Variants in MTMR7 observed in about 807,000 individuals in gnomAD.
The protein encoded by MTMR7 is myotubularin related protein 7.
A neutral mutation model predicts 81.2 loss-of-function variants in MTMR7; 76 were observed. The ratio of observed to expected loss-of-function variants is 0.94; its 90% CI spans 0.78 to 1.13. The LOEUF (loss-of-function observed/expected upper bound fraction) is 1.13. Ranked by LOEUF, MTMR7 falls within the 50% of genes most tolerant of loss-of-function variation. The pLI is 0.00. For synonymous variants in MTMR7, 372 were observed against 289.8 expected (o/e 1.28, Z -2.88); for missense variants, 1,044 against 820.0 (o/e 1.27, Z -3.34).
In MTMR7 at chr8:17,350,887, G is replaced by C. The variant is rs535282708; in HGVS notation, c.469-1806C>G. ...TTTTAGGAAAGAAGATTACCAAAGA[G>C]TTTAACATGGCCTGTGGCACTGACA... On this transcript the variant is annotated intron_variant, in intron 4 of 13. Coordinates refer to ENST00000180173, the MANE Select transcript of MTMR7 (RefSeq NM_004686.5). Among the ~76,000 whole-genome samples the C allele has an allele frequency of 1.2e-4, 18 of 152,310 alleles. No homozygotes were observed. In the South Asian group the frequency reaches 2.3e-3, roughly 19 times the overall value.
chr8:17,411,734 A>G (rs888164704), intron 1 of MTMR7, among the ~76,000 whole-genome samples: 5 of 152,218 alleles, frequency 3.3e-5, no homozygotes, highest in African/African-American at 9.6e-5. Context: ...GAGTAAGAAC[A>G]CTGCTTGCAA....
Position 17,373,198 on chromosome 8 carries a change from C to T in MTMR7, c.67G>A (p.Ala23Thr). ...GTCAAATACAAAGTACCTAGAGCTGCTTTTTTAGGAGACACTCGATCTACC... is the reference window on the plus strand; with the variant it reads ...GTCAAATACAAAGTACCTAGAGCTGTTTTTTTAGGAGACACTCGATCTACC... Reference protein sequence around the residue: ...RLVDRVSPKKAALGTLYLTAT... With the variant: ...RLVDRVSPKKTALGTLYLTAT... The change falls in exon 2 of 14, where the codon GCA becomes ACA. Residue 23 changes from alanine (A) to threonine (T), a missense_variant. Transcript: ENST00000180173. 1.2e-6 allele frequency: 2 copies of T among 1,613,454 alleles called. No homozygotes were observed. Among genetic ancestry groups the T allele is most frequent in the South Asian group, 1.1e-5 (1 of 91,002 alleles).
Position 17,304,377 on chromosome 8 carries a change from A to G in MTMR7, c.1493+2T>C. 3 of 1,610,984 alleles carry G rather than the reference A, an allele frequency of 1.9e-6. No individual in the cohort carries two copies. The highest frequency in any genetic ancestry group is 2.5e-6 in the Non-Finnish European group (3 of 1,177,524). On this transcript the variant is annotated splice_donor_variant, in intron 12 of 13. Transcript: ENST00000180173. LOFTEE classifies it high-confidence loss of function. ...CTACAAAGTTACCAAGGATTTACAT[A>G]CTTGTACATGAAGTTACATGGTGTT...
At chr8:17,366,173 C>T (rs1441983748) in intron 3 of MTMR7, among the ~76,000 whole-genome samples, 1 of 152,182 alleles carries the variant, frequency 6.6e-6, no homozygotes, top group Non-Finnish European at 1.5e-5. Flanking sequence ...CGTATACAAC[C>T]TTTGCTCCTT....
At chr8:17,360,506 T>C (rs1167254033) in intron 4 of MTMR7, among the ~76,000 whole-genome samples, 1 of 151,594 alleles carries the variant, frequency 6.6e-6, no homozygotes, top group Non-Finnish European at 1.5e-5. Flanking sequence ...GTAAACTATC[T>C]AGGATGTTCT....
At chr8:17,331,654 TATC>T (rs1342093562) in intron 6 of MTMR7, among the ~76,000 whole-genome samples, 3 of 152,222 alleles carry the variant, frequency 2.0e-5, no homozygotes, top group Non-Finnish European at 4.4e-5. Context: ...GGCAGAAGAA[TATC>T]AGCAGAAACA....
chr8:17,304,959 C>G (rs1371993270), intron 11 of MTMR7, among the ~76,000 whole-genome samples: 3 of 152,064 alleles, frequency 2.0e-5, no homozygotes, highest in Non-Finnish European at 4.4e-5. Flanking sequence ...AGTCCTATAG[C>G]TAGTAAGTGG....
Position 17,311,492 on chromosome 8 carries a change from G to A in MTMR7, c.1101+19C>T, listed in dbSNP as rs754226343. The A allele has an allele frequency of 4.3e-5, 70 of 1,613,642 alleles. No homozygotes were observed. The highest frequency in any genetic ancestry group is 5.5e-5 in the Non-Finnish European group (65 of 1,179,960). On this transcript the variant is annotated intron_variant, in intron 9 of 13. Coordinates refer to ENST00000180173, the MANE Select transcript of MTMR7 (RefSeq NM_004686.5). ...GGTCAAGGCACCGCCTGTGGGAATC[G>A]CCCAGTGGCCACACTCACCATGAAG...
chr8:17,319,767 C>T (rs944724681), intron 7 of MTMR7, among the ~76,000 whole-genome samples: 14 of 152,034 alleles, frequency 9.2e-5, no homozygotes, highest in African/African-American at 2.9e-4. Flanking sequence ...AGGCTCCAGT[C>T]TGGCTCCAGT....
rs1449076769 is a variant in MTMR7, at chr8:17,298,818, A to G, written c.*1044T>C. On this transcript the variant is annotated 3_prime_UTR_variant, in exon 14 of 14. Coordinates refer to ENST00000180173, the MANE Select transcript of MTMR7 (RefSeq NM_004686.5). Reference sequence around the variant, plus strand: ...TCCCTTAAATGTGCAGTGTAACAAAACAAAAATTCTTTTCAGAACTTTCAG... The same window carrying G: ...TCCCTTAAATGTGCAGTGTAACAAAGCAAAAATTCTTTTCAGAACTTTCAG... 6.6e-6 allele frequency: 1 copy of G among 152,510 alleles called. No individual in the cohort carries two copies. Among genetic ancestry groups the G allele is most frequent in the Admixed American group, 6.5e-5 (1 of 15,272 alleles). 9.4% of individuals were successfully genotyped at this position (152,510 alleles called of 1,614,324 possible). A position where few individuals can be genotyped will look rare whatever the true frequency, so the allele number is the denominator to read the frequency against.
Position 17,304,410 on chromosome 8 carries a change from G to C in MTMR7, c.1462C>G (p.Leu488Val), listed in dbSNP as rs1563314853. Residue 488 changes from leucine to valine, a missense_variant, in exon 12 of 14, where the codon CTC becomes GTC. By Grantham distance (32) the Leu-to-Val change is conservative. Coordinates refer to ENST00000180173, the MANE Select transcript of MTMR7 (RefSeq NM_004686.5). ...ATGAAGTTACATGGTGTTGTAGGGA[G>C]ATGAAGGGTTCCCTGAGTCTGGCTG... ...DHSQTQGTLH[L>V]PTTPCNFMYK... 7 of 1,614,068 alleles carry C rather than the reference G, an allele frequency of 4.3e-6. No homozygotes were observed. The East Asian group carries it at 1.6e-4, about 36-fold the overall frequency.
At chr8:17,363,094 C>A (rs1003598456) in intron 3 of MTMR7, among the ~76,000 whole-genome samples, 4 of 152,240 alleles carry the variant, frequency 2.6e-5, no homozygotes, top group Non-Finnish European at 4.4e-5. Flanking sequence ...GGCGTGCTCA[C>A]ACACAAACCA....
At chr8:17,319,025 G>C (rs1158348290) in intron 7 of MTMR7, among the ~76,000 whole-genome samples, 1 of 152,240 alleles carries the variant, frequency 6.6e-6, no homozygotes, top group Non-Finnish European at 1.5e-5. Context: ...AGCTTACTCT[G>C]CCATCTTGGG....
chr8:17,309,136 C>T (rs1429915872), intron 10 of MTMR7, 141 bp downstream of exon 10: 4 of 621,170 alleles, frequency 6.4e-6, no homozygotes, highest in Non-Finnish European at 1.2e-5. Context: ...TATGATATGA[C>T]ATATACAACA....
intron 9 of MTMR7, 96 bp from the exon 10 acceptor site, chr8:17,309,422 G>C (rs1363543839): frequency 6.0e-6 from 5 of 839,060 alleles, no homozygotes; most frequent in African/African-American, 1.7e-5. Context: ...GGCACTTGCA[G>C]AAGTCCCCAT....
intron 3 of MTMR7, 101 bp downstream of exon 3, chr8:17,370,936 C>G (rs1213065192): frequency 1.6e-5 from 19 of 1,206,036 alleles, no homozygotes; most frequent in Non-Finnish European, 1.2e-6. Context: ...ACACATAATC[C>G]CTGAACCCCT....
At chr8:17,330,353 G>A (rs1818932902) in intron 7 of MTMR7, among the ~76,000 whole-genome samples, 1 of 152,226 alleles carries the variant, frequency 6.6e-6, no homozygotes, top group Non-Finnish European at 1.5e-5. Flanking sequence ...CGCAGACAGT[G>A]CATGGACAGC....
chr8:17,348,803 G>T, intron 5 of MTMR7, 150 bp downstream of exon 5: 3 of 873,656 alleles, frequency 3.4e-6, no homozygotes, highest in Non-Finnish European at 5.4e-6. Flanking sequence ...TAGCATAGTT[G>T]TATCATGTCA....
intron 1 of MTMR7, among the ~76,000 whole-genome samples, chr8:17,375,540 T>C (rs1007853479): frequency 6.6e-6 from 1 of 151,914 alleles, no homozygotes; most frequent in African/African-American, 2.4e-5. Context: ...TTCTTTTGTA[T>C]GGTTATCCAT....
Sources: allele counts gnomAD v4.1 joint callset (sites outside exome capture counted in the v4.1 genomes callset), GRCh38; gene constraint gnomAD v4.1.1; transcripts MANE v1.5; gene names NCBI Gene and HGNC (gene_info 2026-07-23, HGNC 2026-07-21).